Variants in UNC80 observed in about 807,000 individuals in gnomAD.
The protein encoded by UNC80 is unc-80 subunit of NALCN channel complex, also known as protein unc-80 homolog.
Under a neutral mutation model 384.6 loss-of-function variants are expected in UNC80, and 164 were observed. The ratio of observed to expected loss-of-function variants is 0.43; its 90% CI spans 0.38 to 0.49. The LOEUF (loss-of-function observed/expected upper bound fraction) is 0.49. Ranked by LOEUF, UNC80 falls within the 20% of genes least tolerant of loss-of-function variation. UNC80 has a pLI of 0.00. For missense variants in UNC80, 3,330 were observed against 4,143.0 expected (o/e 0.80, Z 5.39); for synonymous variants, 1,486 against 1,527.8 (o/e 0.97, Z 0.64).
intron 55 of UNC80, 32 bp downstream of exon 55, chr2:209,972,356 A>T (rs776506690): frequency 6.5e-7 from 1 of 1,546,798 alleles, no homozygotes; most frequent in South Asian, 1.2e-5. Flanking sequence ...GAAATTTATC[A>T]TTGTTGTTGT....
Position 209,817,858 on chromosome 2 carries a change from G to A in UNC80, c.1599G>A (p.Glu533=). ...RGSSDAATEM[E]SLSARHSHSH... is the part of the protein sequence containing the mutation. The stretch of plus-strand genomic sequence containing the variant: ...GTTCAGATGCAGCCACTGAGATGGA[G>A]AGTCTGAGCGCCAGGCATTCCCACT... The change falls in exon 11 of 65, where the codon GAG becomes GAA. Residue 533 remains glutamate, a synonymous_variant. Transcript: ENST00000673920. 6.4e-7 allele frequency: 1 copy of A among 1,551,676 alleles called. No homozygotes were observed. Among genetic ancestry groups the A allele is most frequent in the Non-Finnish European group, 8.7e-7 (1 of 1,146,984 alleles).
At chr2:209,858,479 G>A (rs1236211839) in intron 22 of UNC80, among the ~76,000 whole-genome samples, 1 of 152,020 alleles carries the variant, frequency 6.6e-6, no homozygotes, top group Non-Finnish European at 1.5e-5. Flanking sequence ...AGGCCAAGGT[G>A]GGCGGATCAC....
At chr2:209,876,202 C>A (rs1037301245) in intron 23 of UNC80, among the ~76,000 whole-genome samples, 1 of 152,168 alleles carries the variant, frequency 6.6e-6, no homozygotes, top group Admixed American at 6.5e-5. Flanking sequence ...TGTTTGAATC[C>A]TGCTGAGCAA....
At chr2:209,922,590 T>G (rs921230668) in intron 35 of UNC80, among the ~76,000 whole-genome samples, 2 of 152,232 alleles carry the variant, frequency 1.3e-5, no homozygotes, top group African/African-American at 2.4e-5. Context: ...TGGCTCTATT[T>G]TAATTACATT....
At chr2:209,972,670 T>C (rs1318647192) in intron 55 of UNC80, among the ~76,000 whole-genome samples, 2 of 152,210 alleles carry the variant, frequency 1.3e-5, no homozygotes, top group Non-Finnish European at 2.9e-5. Flanking sequence ...ACGTGGACAC[T>C]GGGTTTAGCA....
Position 209,933,869 on chromosome 2 carries a change from G to A in UNC80, c.6042G>A (p.Met2014Ile). 1 of 1,551,362 alleles carries A rather than the reference G, an allele frequency of 6.4e-7. No homozygotes were observed. Among genetic ancestry groups the A allele is most frequent in the Non-Finnish European group, 8.7e-7 (1 of 1,146,820 alleles). ...TGCGGACCCCCTGCGAGTGGGGGAT[G>A]GATGCCATTTCAGCCACCCTGACAT... The part of the protein sequence containing the change: ...YFVRTPCEWG[M>I]DAISATLTFL... The change falls in exon 39 of 65, where the codon ATG (methionine) becomes ATA (isoleucine). Residue 2014 changes from methionine (M) to isoleucine (I), a missense_variant. By Grantham distance (10) the Met-to-Ile change is conservative (BLOSUM62 1). Coordinates refer to ENST00000673920, the MANE Select transcript of UNC80 (RefSeq NM_001371986.1).
At chr2:209,934,035 ACTTT>A in intron 39 of UNC80, 30 bp downstream of exon 39, 4 of 1,497,294 alleles carry the variant, frequency 2.7e-6, no homozygotes, top group African/African-American at 2.8e-5. Flanking sequence ...TAGTAACATA[ACTTT>A]AAAAAAAAAT....
chr2:209,967,803 A>T, intron 52 of UNC80, 166 bp downstream of exon 52: 2 of 594,298 alleles, frequency 3.4e-6, no homozygotes, highest in Non-Finnish European at 5.8e-6. Flanking sequence ...AGCAAAGCCT[A>T]CATTTTGAGA....
chr2:209,854,989 A>G (rs2082793719), intron 22 of UNC80, among the ~76,000 whole-genome samples: 1 of 152,250 alleles, frequency 6.6e-6, no homozygotes, highest in South Asian at 2.1e-4. Flanking sequence ...GTAAAAACAC[A>G]TGCACACGTA....
intron 25 of UNC80, among the ~76,000 whole-genome samples, chr2:209,881,730 T>C (rs1559256469): frequency 6.6e-6 from 1 of 152,070 alleles, no homozygotes; most frequent in Non-Finnish European, 1.5e-5. Flanking sequence ...ATATAAATAC[T>C]ATGCAAGAAC....
At chr2:209,918,482 A>G (rs1232824757) in intron 32 of UNC80, 50 bp from the exon 33 acceptor site, 1 of 1,532,566 alleles carries the variant, frequency 6.5e-7, no homozygotes, top group Non-Finnish European at 8.8e-7. Flanking sequence ...CTTCAGCCTC[A>G]TTCTAGCTTA....
chr2:209,888,491 A>G (rs1248194635), intron 26 of UNC80, among the ~76,000 whole-genome samples: 1 of 152,174 alleles, frequency 6.6e-6, no homozygotes, highest in African/African-American at 2.4e-5. Flanking sequence ...TTACAGCTAT[A>G]AGATGAACCA....
chr2:209,994,490 T>A (rs1377170561), intron 64 of UNC80, among the ~76,000 whole-genome samples: 2 of 152,170 alleles, frequency 1.3e-5, no homozygotes, highest in African/African-American at 4.8e-5. Context: ...TTTTTACCTA[T>A]GAAAAACCTA....
chr2:209,994,169 G>C lies in UNC80; in HGVS notation c.9613G>C (p.Ala3205Pro). ...ATGQLQGCSPAPSRKPEAMDE... is the reference protein window; with the variant it reads ...ATGQLQGCSPPPSRKPEAMDE... ...AGGCCAACTACAGGGCTGTAGCCCA[G>C]CCCCTTCTAGGAAACCAGAAGCAAT... Residue 3205 changes from alanine (A) to proline (P), a missense_variant, in exon 64 of 65, where the codon GCC becomes CCC. Physicochemically the swap from Ala to Pro is conservative, Grantham distance 27 (BLOSUM62 -1). Around this residue, in one of 8 missense-constraint regions of UNC80, gnomAD observed 236 missense variants for 254.9 expected, o/e 0.93. Transcript: ENST00000673920. 6.4e-7 allele frequency: 1 copy of C among 1,551,482 alleles called. No individual in the cohort carries two copies.
chr2:209,901,559 C>G (rs1370251830), intron 28 of UNC80, among the ~76,000 whole-genome samples: 1 of 152,168 alleles, frequency 6.6e-6, no homozygotes, highest in Non-Finnish European at 1.5e-5. Flanking sequence ...TGCTTTCATG[C>G]CTGCTAATGC....
At chr2:209,975,309 G>A (rs2092985289) in intron 56 of UNC80, among the ~76,000 whole-genome samples, 1 of 152,192 alleles carries the variant, frequency 6.6e-6, no homozygotes, top group Non-Finnish European at 1.5e-5. Context: ...AGCTGTAGTG[G>A]CAGAGGGAGC....
At chr2:209,846,662 C>T (rs1377326731) in intron 21 of UNC80, among the ~76,000 whole-genome samples, 1 of 151,938 alleles carries the variant, frequency 6.6e-6, no homozygotes, top group Non-Finnish European at 1.5e-5. Flanking sequence ...AATTACACCT[C>T]AATATACACC....
Position 209,998,104 on chromosome 2 carries a change from T to A in UNC80, c.*2509T>A, listed in dbSNP as rs1559463961. On this transcript the variant is annotated 3_prime_UTR_variant, in exon 65 of 65. Transcript: ENST00000673920. The stretch of plus-strand genomic sequence containing the variant: ...GCCATGATACTTAATGATATTTATC[T>A]TATTCAGAGGAAAAACAAAAAAGGT... The A allele has an allele frequency of 6.6e-6, 1 of 152,222 alleles. No homozygotes were observed. The highest frequency in any genetic ancestry group is 1.5e-5 in the Non-Finnish European group (1 of 68,034). 9.4% of individuals were successfully genotyped at this position (152,222 alleles called of 1,614,324 possible).
At chr2:209,893,627 A>T (rs2124914865) in intron 26 of UNC80, among the ~76,000 whole-genome samples, 1 of 152,254 alleles carries the variant, frequency 6.6e-6, no homozygotes. Context: ...TTTCACACTC[A>T]TGCTCACCCA....
Sources: allele counts gnomAD v4.1 joint callset (sites outside exome capture counted in the v4.1 genomes callset), GRCh38; gene constraint gnomAD v4.1.1; regional missense constraint gnomAD v4.1.1; transcripts MANE v1.5; gene names NCBI Gene and HGNC (gene_info 2026-07-23, HGNC 2026-07-21).